Variants in CDKN2B-AS1 observed in about 807,000 individuals in gnomAD.
The protein encoded by CDKN2B-AS1 is CDKN2B and CDKN2A antisense cis and trans regulatory RNA 1.
rs563970830 is a variant in CDKN2B-AS1, at chr9:22,043,110, G to T, written n.30-3641G>T. On this transcript the variant is annotated intron_variant and non_coding_transcript_variant, in intron 1 of 4. Coordinates refer to ENST00000650946, the Ensembl canonical transcript of CDKN2B-AS1. ...TATTTTATTTGGTTTTGAAGTTTTA[G>T]GTTATTTGTAGTTATAATAGCCATA... 4.6e-5 allele frequency among the ~76,000 whole-genome samples: 7 copies of T among 152,116 alleles called. No individual in the cohort carries two copies. In the East Asian group the frequency reaches 1.4e-3, roughly 30 times the overall value.
At chr9:22,057,816 A>G (rs1314051772) in intron 4 of CDKN2B-AS1, among the ~76,000 whole-genome samples, 1 of 151,960 alleles carries the variant, frequency 6.6e-6, no homozygotes, top group Non-Finnish European at 1.5e-5. Context: ...TGAGAAAAAA[A>G]AAAGCAACCC....
At chr9:22,113,066 T>G (rs1450151654) in intron 4 of CDKN2B-AS1, among the ~76,000 whole-genome samples, 2 of 152,144 alleles carry the variant, frequency 1.3e-5, no homozygotes, top group Non-Finnish European at 2.9e-5. Flanking sequence ...CACCACAAAC[T>G]TAGAGGTTTG....
At position 22,005,713 on chromosome 9, in the gene CDKN2B-AS1, G is replaced by A; in HGVS notation, n.29+10552G>A. The A allele has an allele frequency of 1.8e-6, 1 of 562,648 alleles. No individual in the cohort carries two copies. The highest frequency in any genetic ancestry group is 3.2e-6 in the Non-Finnish European group (1 of 313,754). 34.9% of individuals were successfully genotyped at this position (562,648 alleles called of 1,614,324 possible). On this transcript the variant is annotated intron_variant and non_coding_transcript_variant, in intron 1 of 4. Transcript: ENST00000650946. This position sits in a 1 kb window ranked among gnomAD's most constrained non-coding sequence, Gnocchi z 4.9. ...CCTCAGAAAACCCTGAAAAGCAAAC[G>A]ACCCCTGGAATGTCACACACTCCTA...
chr9:22,081,935 T>C (rs1824713327), intron 4 of CDKN2B-AS1, among the ~76,000 whole-genome samples: 1 of 152,206 alleles, frequency 6.6e-6, no homozygotes, highest in African/African-American at 2.4e-5. Context: ...TCCTCTTTCC[T>C]TCATATACCC....
At chr9:22,083,124 G>A (rs910048090) in intron 4 of CDKN2B-AS1, among the ~76,000 whole-genome samples, 4 of 152,124 alleles carry the variant, frequency 2.6e-5, no homozygotes, top group Non-Finnish European at 4.4e-5. Flanking sequence ...AGAACTATAC[G>A]TATGTTATCC....
At chr9:22,091,201 C>A (rs1401377084) in intron 4 of CDKN2B-AS1, among the ~76,000 whole-genome samples, 2 of 152,108 alleles carry the variant, frequency 1.3e-5, no homozygotes, top group Non-Finnish European at 2.9e-5. Context: ...TGTTTTGGTA[C>A]CAGTACCATG....
chr9:22,050,113 A>C (rs189439308), intron 3 of CDKN2B-AS1, among the ~76,000 whole-genome samples: 79 of 152,310 alleles, frequency 5.2e-4, no homozygotes, highest in African/African-American at 1.8e-3. Flanking sequence ...GAAACATTAA[A>C]AAGTTGAATG....
At chr9:22,019,865 C>T (rs879403331) in intron 1 of CDKN2B-AS1, among the ~76,000 whole-genome samples, 8 of 151,790 alleles carry the variant, frequency 5.3e-5, no homozygotes, top group Admixed American at 3.3e-4. Context: ...AATACCAAAC[C>T]CTTTAAAAAA....
At chr9:22,040,847 C>T (rs188654580) in intron 1 of CDKN2B-AS1, among the ~76,000 whole-genome samples, 35 of 152,138 alleles carry the variant, frequency 2.3e-4, no homozygotes, top group Non-Finnish European at 3.8e-4. Context: ...TCAGTGTTAG[C>T]ATCTTAATTA....
At chr9:22,064,541 A>G (rs1232954197) in intron 4 of CDKN2B-AS1, among the ~76,000 whole-genome samples, 2 of 152,240 alleles carry the variant, frequency 1.3e-5, no homozygotes, top group African/African-American at 4.8e-5. Context: ...TATGAGGATT[A>G]TAGGAATGGA....
At chr9:22,062,369 C>T (rs1386790354) in intron 4 of CDKN2B-AS1, among the ~76,000 whole-genome samples, 2 of 152,074 alleles carry the variant, frequency 1.3e-5, no homozygotes, top group Non-Finnish European at 2.9e-5. Context: ...CATACAGGTC[C>T]CTGGCACTAA....
chr9:22,099,950 T>A (rs2131354161), intron 4 of CDKN2B-AS1, among the ~76,000 whole-genome samples: 1 of 152,100 alleles, frequency 6.6e-6, no homozygotes, highest in Non-Finnish European at 1.5e-5. Context: ...GTAGGAAAAT[T>A]TTTCATTGTG....
At chr9:22,048,480 G>T (rs144880886) in intron 2 of CDKN2B-AS1, among the ~76,000 whole-genome samples, 10 of 152,142 alleles carry the variant, frequency 6.6e-5, no homozygotes, top group African/African-American at 2.4e-4. Context: ...CAGATAAGAG[G>T]TCTCCACTGG....
chr9:22,033,884 A>G (rs1339661599), intron 1 of CDKN2B-AS1, among the ~76,000 whole-genome samples: 2 of 152,192 alleles, frequency 1.3e-5, no homozygotes, highest in African/African-American at 2.4e-5. Context: ...TTTATACTCA[A>G]TGAAAAACCA....
chr9:22,024,553 T>C (rs1031258542), intron 1 of CDKN2B-AS1, among the ~76,000 whole-genome samples: 1 of 152,128 alleles, frequency 6.6e-6, no homozygotes, highest in African/African-American at 2.4e-5. Context: ...GCTCAGGGTG[T>C]GGGAGGATCC....
intron 1 of CDKN2B-AS1, among the ~76,000 whole-genome samples, chr9:22,031,958 C>T: frequency 6.6e-6 from 1 of 152,206 alleles, no homozygotes; most frequent in East Asian, 1.9e-4. Context: ...AACAGATGCC[C>T]TCAGTTCAAT....
At chr9:22,080,114 A>C in intron 4 of CDKN2B-AS1, among the ~76,000 whole-genome samples, 1 of 152,204 alleles carries the variant, frequency 6.6e-6, no homozygotes, top group East Asian at 1.9e-4. Flanking sequence ...CTGAATGAAT[A>C]ATCACCAAAG....
At chr9:22,078,707 G>A (rs148019174) in intron 4 of CDKN2B-AS1, among the ~76,000 whole-genome samples, 8 of 152,314 alleles carry the variant, frequency 5.3e-5, no homozygotes, top group Non-Finnish European at 1.0e-4. Context: ...AATTCTTAGA[G>A]TGTCTGAAAG....
At chr9:22,060,085 C>G (rs910650087) in intron 4 of CDKN2B-AS1, among the ~76,000 whole-genome samples, 18 of 152,278 alleles carry the variant, frequency 1.2e-4, no homozygotes, top group Admixed American at 5.2e-4. Context: ...AGACATTTTC[C>G]CCATGGTCTC....
Sources: allele counts gnomAD v4.1 joint callset (sites outside exome capture counted in the v4.1 genomes callset), GRCh38; gene constraint gnomAD v4.1.1; non-coding constraint Gnocchi (gnomAD v3.1); transcripts MANE v1.5; gene names NCBI Gene and HGNC (gene_info 2026-07-23, HGNC 2026-07-21).